Variants in ROBO2 observed in about 807,000 individuals in gnomAD.
The protein encoded by ROBO2 is roundabout homolog 2.
In ROBO2, 53 loss-of-function variants were observed where a neutral mutation model predicts 160.8. That is an observed-to-expected ratio of 0.33 (90% confidence interval 0.26 to 0.41). The LOEUF is 0.41. ROBO2 is among the 10% of genes least tolerant of loss of function. ROBO2 has a pLI of 1.00. For missense variants in ROBO2, 1,577 were observed against 1,722.4 expected (o/e 0.92, Z 1.49); for synonymous variants, 664 against 611.7 (o/e 1.09, Z -1.26).
chr3:76,564,033 C>T (rs2084364808), intron 2 of ROBO2, among the ~76,000 whole-genome samples: 1 of 152,108 alleles, frequency 6.6e-6, no homozygotes, highest in African/African-American at 2.4e-5. Flanking sequence ...TGGTGAAACC[C>T]CATCTCTACT....
In ROBO2 at chr3:77,069,739, G is replaced by C. The variant is rs117939700; in HGVS notation, c.62-28275G>C. Among the ~76,000 whole-genome samples, 46 of 152,296 alleles carry C rather than the reference G, an allele frequency of 3.0e-4. No individual in the cohort carries two copies. The East Asian group carries it at 5.8e-3, about 19-fold the overall frequency. ...GAGTGGTGAGCAGCACGGACCAGGTGCCTGCTCTTCTTGCACTGTCTTGAT... is the reference window on the plus strand; with the variant it reads ...GAGTGGTGAGCAGCACGGACCAGGTCCCTGCTCTTCTTGCACTGTCTTGAT... On this transcript the variant is annotated intron_variant, in intron 1 of 25. Coordinates refer to ENST00000461745, the Ensembl canonical transcript of ROBO2.
At chr3:76,088,786 TA>T (rs2069115874) in intron 2 of ROBO2, among the ~76,000 whole-genome samples, 1 of 151,848 alleles carries the variant, frequency 6.6e-6, no homozygotes, top group Admixed American at 6.6e-5. Context: ...AACAACAATA[TA>T]AGCTTCACAT....
intron 5 of ROBO2, among the ~76,000 whole-genome samples, chr3:77,506,435 C>G (rs2088540834): frequency 1.3e-5 from 2 of 152,082 alleles, no homozygotes; most frequent in South Asian, 4.1e-4. Flanking sequence ...TCCTAACAAT[C>G]CTAAATATCC....
At chr3:76,838,649 A>C (rs375471810) in intron 2 of ROBO2, among the ~76,000 whole-genome samples, 1 of 152,080 alleles carries the variant, frequency 6.6e-6, no homozygotes, top group South Asian at 2.1e-4. Context: ...AGCAACATTA[A>C]ATCGCTGTAG....
At chr3:77,488,515 TAAGA>T (rs2085662112) in intron 4 of ROBO2, among the ~76,000 whole-genome samples, 1 of 152,210 alleles carries the variant, frequency 6.6e-6, no homozygotes, top group Non-Finnish European at 1.5e-5. Flanking sequence ...TTCAATAGTT[TAAGA>T]TTTTCATGCA....
intron 2 of ROBO2, among the ~76,000 whole-genome samples, chr3:77,021,754 G>A (rs2062651365): frequency 6.6e-6 from 1 of 152,184 alleles, no homozygotes; most frequent in Admixed American, 6.5e-5. Flanking sequence ...TATTGTGGGA[G>A]TGGATTAGTT....
intron 5 of ROBO2, among the ~76,000 whole-genome samples, chr3:77,496,289 A>G (rs562675879): frequency 1.4e-3 from 219 of 152,334 alleles, no homozygotes; most frequent in Non-Finnish European, 2.5e-3. Context: ...AGTGCAATGT[A>G]GAAACTGAGG....
At chr3:76,694,142 T>G (rs2092874966) in intron 2 of ROBO2, among the ~76,000 whole-genome samples, 1 of 152,248 alleles carries the variant, frequency 6.6e-6, no homozygotes, top group African/African-American at 2.4e-5. Flanking sequence ...TTTGCCCTAA[T>G]GCCTCACTTA....
At chr3:76,346,356 T>C (rs1576574404) in intron 2 of ROBO2, among the ~76,000 whole-genome samples, 1 of 151,880 alleles carries the variant, frequency 6.6e-6, no homozygotes, top group Admixed American at 6.6e-5. Context: ...CAACAACAAA[T>C]GTAGGCTACA....
intron 6 of ROBO2, among the ~76,000 whole-genome samples, chr3:77,543,239 G>T (rs2092556760): frequency 1.3e-5 from 2 of 151,032 alleles, no homozygotes; most frequent in South Asian, 2.1e-4. Context: ...TGTTTTCATT[G>T]AAAAAAATCA....
chr3:76,852,292 G>T (rs9879341), intron 2 of ROBO2, among the ~76,000 whole-genome samples: 23,150 of 152,006 alleles, frequency 0.15, 2,068 homozygotes, highest in East Asian at 0.36. Flanking sequence ...TTTAGAGCTT[G>T]GCATATTTGC....
intron 2 of ROBO2, among the ~76,000 whole-genome samples, chr3:76,291,459 A>G (rs1388691052): frequency 6.6e-6 from 1 of 151,814 alleles, no homozygotes; most frequent in Non-Finnish European, 1.5e-5. Context: ...AATCATATGT[A>G]TTCTTTCAAG....
chr3:76,416,733 G>A (rs1456663738), intron 2 of ROBO2, among the ~76,000 whole-genome samples: 1 of 152,124 alleles, frequency 6.6e-6, no homozygotes, highest in Non-Finnish European at 1.5e-5. Context: ...AGGCTCTCTA[G>A]ACTAAGTCAC....
intron 2 of ROBO2, among the ~76,000 whole-genome samples, chr3:77,442,446 T>A (rs1354889928): frequency 2.0e-5 from 3 of 152,164 alleles, no homozygotes; most frequent in African/African-American, 7.2e-5. Flanking sequence ...ATTTTCAAAC[T>A]TTTTTCACCC....
At position 76,473,957 on chromosome 3, in the gene ROBO2, T is replaced by C. The variant is rs965022783; in HGVS notation, c.109+536355T>C. Among the ~76,000 whole-genome samples, 179 of 152,152 alleles carry C rather than the reference T, an allele frequency of 1.2e-3. 4 individuals are homozygous for C. The highest frequency in any genetic ancestry group is 2.8e-4 in the Non-Finnish European group (19 of 68,008). ...TTTCCAGACCCTATGGATTTTAACC[T>C]TGTTTTTCTGTATCTAACTTGAAGC... On this transcript the variant is annotated intron_variant, in intron 2 of 26. Coordinates refer to the ROBO2 transcript ENST00000487694.
intron 2 of ROBO2, among the ~76,000 whole-genome samples, chr3:76,206,940 T>A (rs996719605): frequency 4.6e-5 from 7 of 152,112 alleles, no homozygotes; most frequent in Admixed American, 2.0e-4. Flanking sequence ...ACAATCCCAA[T>A]CCCATTAGAA....
intron 1 of ROBO2, among the ~76,000 whole-genome samples, chr3:77,051,091 G>A (rs762683392): frequency 6.6e-6 from 1 of 151,788 alleles, no homozygotes; most frequent in African/African-American, 2.4e-5. Flanking sequence ...ATTCAGTTGA[G>A]GTTTAAGGCC....
intron 2 of ROBO2, among the ~76,000 whole-genome samples, chr3:76,443,747 A>G (rs1251426567): frequency 6.6e-6 from 1 of 152,148 alleles, no homozygotes; most frequent in Non-Finnish European, 1.5e-5. Context: ...ACTACACTAG[A>G]CTGACTTAAT....
intron 2 of ROBO2, among the ~76,000 whole-genome samples, chr3:76,965,844 T>C (rs947838621): frequency 1.4e-5 from 2 of 145,982 alleles, no homozygotes; most frequent in African/African-American, 5.0e-5. Context: ...TTGTGGACAC[T>C]AGGGAAGAAC....
Sources: gnomAD v4.1 joint callset for allele counts (sites outside exome capture counted in the v4.1 genomes callset) on GRCh38, gnomAD v4.1.1 for gene constraint, MANE v1.5 for transcripts, NCBI Gene and HGNC (gene_info 2026-07-23, HGNC 2026-07-21) for gene names.